Variants in CNTN5 observed in about 807,000 individuals in gnomAD.
The protein encoded by CNTN5 is contactin-5.
Under a neutral mutation model 129.1 loss-of-function variants are expected in CNTN5, and 77 were observed. The ratio of observed to expected loss-of-function variants is 0.60; its 90% CI spans 0.50 to 0.72. The LOEUF (loss-of-function observed/expected upper bound fraction) is 0.72, where lower values mean the gene tolerates loss of function less well. Among genes scored for constraint, CNTN5 ranks in the 30% least tolerant of loss-of-function variants. The pLI, the probability that CNTN5 is intolerant of heterozygous loss-of-function variation, is 0.00. For missense variants in CNTN5, 1,478 were observed against 1,328.8 expected (o/e 1.11, Z -1.75); for synonymous variants, 509 against 465.6 (o/e 1.09, Z -1.20).
At chr11:99,941,427 T>C (rs1034638291) in intron 7 of CNTN5, among the ~76,000 whole-genome samples, 1 of 152,090 alleles carries the variant, frequency 6.6e-6, no homozygotes, top group African/African-American at 2.4e-5. Context: ...ATTCAAAAAT[T>C]ATTTATTGTG....
At chr11:99,421,758 A>C (rs1942898401) in intron 2 of CNTN5, among the ~76,000 whole-genome samples, 1 of 152,120 alleles carries the variant, frequency 6.6e-6, no homozygotes, top group Admixed American at 6.5e-5. Context: ...TTTGCTTTGT[A>C]AGTTTAATTT....
intron 1 of CNTN5, among the ~76,000 whole-genome samples, chr11:99,032,035 C>A (rs949252057): frequency 2.7e-5 from 4 of 150,408 alleles, no homozygotes. Flanking sequence ...TTTGTTCTTG[C>A]GATAGTTTAC....
At chr11:99,092,882 G>A (rs1018712217) in intron 1 of CNTN5, among the ~76,000 whole-genome samples, 33 of 152,018 alleles carry the variant, frequency 2.2e-4, no homozygotes, top group Admixed American at 2.1e-3. Context: ...CTGTGTTTCA[G>A]TACTTTCTGG....
chr11:99,956,213 A>C (rs1950798952), intron 7 of CNTN5, among the ~76,000 whole-genome samples: 1 of 152,050 alleles, frequency 6.6e-6, no homozygotes, highest in Non-Finnish European at 1.5e-5. Context: ...GAACCTCAAA[A>C]AGTTAGTTAA....
intron 15 of CNTN5, among the ~76,000 whole-genome samples, chr11:100,223,368 ATAG>A (rs1949306740): frequency 6.6e-6 from 1 of 152,202 alleles, no homozygotes. Flanking sequence ...AACATAGTAT[ATAG>A]TAATTCACTG....
chr11:99,134,568 G>T (rs1229694835), intron 1 of CNTN5, among the ~76,000 whole-genome samples: 1 of 152,106 alleles, frequency 6.6e-6, no homozygotes, highest in Non-Finnish European at 1.5e-5. Context: ...TTTCTGGGAG[G>T]AAATTTGGCA....
chr11:99,228,389 A>G (rs1860806908), intron 1 of CNTN5, among the ~76,000 whole-genome samples: 1 of 152,096 alleles, frequency 6.6e-6, no homozygotes, highest in African/African-American at 2.4e-5. Context: ...ACAAAAATAC[A>G]GTTAGAAGAA....
intron 6 of CNTN5, among the ~76,000 whole-genome samples, chr11:99,898,704 AT>A (rs200286726): frequency 2.6e-5 from 4 of 151,102 alleles, no homozygotes; most frequent in Admixed American, 6.6e-5. Context: ...GACTACCGTG[AT>A]TTTTTTTTCA....
chr11:100,109,956 A>T (rs865925587), intron 13 of CNTN5, among the ~76,000 whole-genome samples: 42 of 152,044 alleles, frequency 2.8e-4, no homozygotes, highest in African/African-American at 9.4e-4. Flanking sequence ...AGATGAGTGG[A>T]TTGCTTGAGT....
intron 13 of CNTN5, among the ~76,000 whole-genome samples, chr11:100,189,268 A>T (rs939341414): frequency 0.02 from 1,686 of 85,516 alleles, 42 homozygotes; most frequent in African/African-American, 0.074. Flanking sequence ...AGTTGAATTA[A>T]AAAAAAAAAA....
intron 2 of CNTN5, among the ~76,000 whole-genome samples, chr11:99,497,718 T>C (rs1946279412): frequency 6.6e-6 from 1 of 152,180 alleles, no homozygotes; most frequent in African/African-American, 2.4e-5. Flanking sequence ...GACTTCTTCC[T>C]ACCACTGTAA....
intron 3 of CNTN5, among the ~76,000 whole-genome samples, chr11:99,649,718 G>A (rs1952086458): frequency 7.0e-6 from 1 of 143,362 alleles, no homozygotes; most frequent in African/African-American, 2.5e-5. Context: ...GCTCACTGAA[G>A]AAGGAAATTT....
chr11:100,042,272 C>T (rs1345245039), intron 9 of CNTN5, among the ~76,000 whole-genome samples: 1 of 151,222 alleles, frequency 6.6e-6, no homozygotes, highest in East Asian at 1.9e-4. Context: ...AAAAAAAAGC[C>T]TTTGTCTCAA....
chr11:100,288,245 G>A (rs1437872094), intron 18 of CNTN5, among the ~76,000 whole-genome samples: 3 of 152,022 alleles, frequency 2.0e-5, no homozygotes, highest in Non-Finnish European at 4.4e-5. Context: ...ACTCAGCTCT[G>A]TACCAAGTGG....
chr11:100,306,357 C>A (rs1363566198), intron 20 of CNTN5, among the ~76,000 whole-genome samples: 1 of 151,576 alleles, frequency 6.6e-6, no homozygotes, highest in African/African-American at 2.4e-5. Context: ...TAATTCCTTT[C>A]TTTGGAGATA....
At chr11:99,172,744 G>T (rs988268788) in intron 1 of CNTN5, among the ~76,000 whole-genome samples, 18 of 152,202 alleles carry the variant, frequency 1.2e-4, no homozygotes, top group Admixed American at 2.6e-4. Context: ...ACTTAACAGA[G>T]AAATCTGTCC....
intron 1 of CNTN5, among the ~76,000 whole-genome samples, chr11:99,258,842 A>G (rs1862499265): frequency 6.6e-6 from 1 of 151,916 alleles, no homozygotes; most frequent in South Asian, 2.1e-4. Flanking sequence ...GACAGACACT[A>G]AGATATAAAA....
intron 6 of CNTN5, among the ~76,000 whole-genome samples, chr11:99,894,257 C>A: frequency 6.6e-6 from 1 of 151,954 alleles, no homozygotes; most frequent in African/African-American, 2.4e-5. Context: ...TGCAAATGAT[C>A]TTTCTCGTCC....
chr11:99,170,727 C>G (rs902747494), intron 1 of CNTN5, among the ~76,000 whole-genome samples: 3 of 152,150 alleles, frequency 2.0e-5, no homozygotes, highest in African/African-American at 7.2e-5. Flanking sequence ...AATGCATATT[C>G]AATTTTATTT....
Sources: gnomAD v4.1 joint callset for allele counts (sites outside exome capture counted in the v4.1 genomes callset) on GRCh38, gnomAD v4.1.1 for gene constraint, MANE v1.5 for transcripts, NCBI Gene and HGNC (gene_info 2026-07-23, HGNC 2026-07-21) for gene names.